Variants in EFCAB10 observed in about 807,000 individuals in gnomAD.
The protein encoded by EFCAB10 is EF-hand calcium binding domain 10, also known as EF-hand calcium-binding domain-containing protein 10.
EFCAB10 carries 7 observed loss-of-function variants against 7.7 expected under a neutral mutation model. The observed-to-expected ratio is 0.91, with a 90% CI of 0.52 to 1.72. The LOEUF (loss-of-function observed/expected upper bound fraction) is 1.72, where lower values mean the gene tolerates loss of function less well. Ranked by LOEUF, EFCAB10 falls within the 40% of genes most tolerant of loss-of-function variation. EFCAB10 has a pLI of 0.00. For synonymous variants in EFCAB10, 52 were observed against 21.0 expected (o/e 2.47, Z -4.03); for missense variants, 112 against 61.5 (o/e 1.82, Z -2.74).
At chr7:105,572,549 G>A (rs773441068) in intron 1 of EFCAB10, 2 of 152,196 alleles carry the variant, frequency 1.3e-5, no homozygotes, top group Admixed American at 6.5e-5. Flanking sequence ...ATACCCAGTG[G>A]TGGGAATGCC....
chr7:105,565,489 A>C (rs1791678145), intron 4 of EFCAB10, 42 bp from the exon 5 acceptor site: 1 of 1,610,802 alleles, frequency 6.2e-7, no homozygotes, highest in Non-Finnish European at 8.5e-7. Context: ...TTGGGCTGTG[A>C]TAATAAAGAC....
At chr7:105,567,827 G>A (rs1404387135) in intron 3 of EFCAB10, 4 of 246,072 alleles carry the variant, frequency 1.6e-5, no homozygotes, top group Non-Finnish European at 2.4e-5. Context: ...AGGCAGGAGT[G>A]CGAAAACATC....
intron 1 of EFCAB10, 150 bp downstream of exon 1, chr7:105,581,208 G>C: frequency 1.7e-6 from 1 of 598,846 alleles, no homozygotes; most frequent in Non-Finnish European, 3.0e-6. Context: ...CAGCCTGAGG[G>C]ACTTTTATTG....
At chr7:105,569,366 A>G (rs561542738) in intron 2 of EFCAB10, 41 bp downstream of exon 2, 2 of 695,328 alleles carry the variant, frequency 2.9e-6, no homozygotes, top group African/African-American at 3.5e-5. Flanking sequence ...AAACTGTGGA[A>G]TGACCACAAA....
chr7:105,577,649 T>A (rs1562869445), intron 1 of EFCAB10, among the ~76,000 whole-genome samples: 1 of 152,080 alleles, frequency 6.6e-6, no homozygotes. Flanking sequence ...GCTCATGTTG[T>A]GACTCAGAAA....
intron 1 of EFCAB10, among the ~76,000 whole-genome samples, chr7:105,579,326 C>T (rs1792165608): frequency 6.6e-6 from 1 of 152,072 alleles, no homozygotes; most frequent in African/African-American, 2.4e-5. Context: ...TCAGTCCAGA[C>T]TGGAGCAGGA....
At chr7:105,566,737 C>A (rs1207524344) in intron 4 of EFCAB10, 1 of 153,218 alleles carries the variant, frequency 6.5e-6, no homozygotes, top group Non-Finnish European at 1.5e-5. Context: ...TTACACGTTT[C>A]ATAGGACTGT....
At position 105,565,186 on chromosome 7, in the gene EFCAB10, G is replaced by A. The variant is rs1791648231; in HGVS notation, c.*261C>T. On this transcript the variant is annotated 3_prime_UTR_variant, in exon 5 of 5. Coordinates refer to ENST00000480514, the MANE Select transcript of EFCAB10 (RefSeq NM_001355526.2). The stretch of plus-strand genomic sequence containing the variant: ...ATTTTTTCTTATCCAAAATGCCCTA[G>A]GACAGAACACTTCCTCAAATTTAAA... 8.5e-7 allele frequency: 1 copy of A among 1,178,430 alleles called. No individual in the cohort carries two copies. The highest frequency in any genetic ancestry group is 2.2e-4 in the Middle Eastern group (1 of 4,546). The allele number at this position is 1,178,430 out of a possible 1,614,324, so 73.0% of individuals were successfully genotyped here. A position where few individuals can be genotyped will look rare whatever the true frequency, so the allele number is the denominator to read the frequency against.
chr7:105,578,275 GTAAGTA>G (rs1203471560), intron 1 of EFCAB10, among the ~76,000 whole-genome samples: 2 of 152,178 alleles, frequency 1.3e-5, no homozygotes, highest in Non-Finnish European at 2.9e-5. Flanking sequence ...GACAGGAAAT[GTAAGTA>G]TAAGTCAGTG....
At chr7:105,580,535 C>A (rs1179676969) in intron 1 of EFCAB10, among the ~76,000 whole-genome samples, 1 of 151,954 alleles carries the variant, frequency 6.6e-6, no homozygotes, top group African/African-American at 2.4e-5. Flanking sequence ...GCTGCAGTGG[C>A]GCCATCTCGT....
intron 1 of EFCAB10, chr7:105,573,707 C>T (rs1237666967): frequency 6.6e-6 from 1 of 152,056 alleles, no homozygotes; most frequent in South Asian, 2.1e-4. Flanking sequence ...CTATCTGAGC[C>T]CTTACTATAT....
Position 105,581,169 on chromosome 7 carries a change from T to A in EFCAB10, c.106+189A>T, listed in dbSNP as rs1458248651. ...AATCGCCACCAGGAGGTGGAGGTTGTAGTGAAATGAGATCACGCCATTGTA... is the reference window on the plus strand; with the variant it reads ...AATCGCCACCAGGAGGTGGAGGTTGAAGTGAAATGAGATCACGCCATTGTA... On this transcript the variant is annotated intron_variant, in intron 1 of 4. Transcript: ENST00000480514. 2.0e-5 allele frequency among the ~76,000 whole-genome samples: 3 copies of A among 152,254 alleles called. No homozygotes were observed. In the East Asian group the frequency reaches 5.8e-4, roughly 29 times the overall value.
At chr7:105,570,194 A>G (rs1178585309) in intron 1 of EFCAB10, among the ~76,000 whole-genome samples, 1 of 124,070 alleles carries the variant, frequency 8.1e-6, no homozygotes. Flanking sequence ...AGCCTGGGCA[A>G]CAGAGCAAGA....
intron 3 of EFCAB10, chr7:105,567,806 A>G: frequency 3.8e-6 from 1 of 266,632 alleles, no homozygotes; most frequent in Non-Finnish European, 7.1e-6. Context: ...CTGAGGTAGG[A>G]GGATTGCTTG....
At chr7:105,571,116 CT>C (rs1185106696) in intron 1 of EFCAB10, 27 of 152,140 alleles carry the variant, frequency 1.8e-4, no homozygotes, top group African/African-American at 6.3e-4. Context: ...CCATCGCCAA[CT>C]TCAACTGTTA....
chr7:105,567,806 AG>A lies in EFCAB10; in HGVS notation c.360-317del, dbSNP rs1262054620. The stretch of plus-strand genomic sequence containing the variant: ...CAGCACTTTGGGAGGCTGAGGTAGG[AG>A]GATTGCTTGAGGCAGGAGTGCGAAA... On this transcript the variant is annotated intron_variant, in intron 3 of 4. Transcript: ENST00000480514. 2.6e-5 allele frequency: 7 copies of A among 266,514 alleles called. No homozygotes were observed. The Admixed American group carries it at 3.0e-4, about 11-fold the overall frequency. 16.5% of individuals were successfully genotyped at this position (266,514 alleles called of 1,614,324 possible).
chr7:105,573,303 T>C (rs764083602), intron 1 of EFCAB10: 13 of 152,336 alleles, frequency 8.5e-5, no homozygotes, highest in Non-Finnish European at 1.6e-4. Flanking sequence ...TGTTTCTTCT[T>C]CCTGGACCAT....
At chr7:105,568,210 A>AACTT (rs1339960867) in intron 3 of EFCAB10, among the ~76,000 whole-genome samples, 1 of 152,184 alleles carries the variant, frequency 6.6e-6, no homozygotes, top group Non-Finnish European at 1.5e-5. Flanking sequence ...TTATTTATGT[A>AACTT]ACTTATGAGA....
At chr7:105,565,829 A>G (rs981411498) in intron 4 of EFCAB10, among the ~76,000 whole-genome samples, 7 of 152,234 alleles carry the variant, frequency 4.6e-5, no homozygotes, top group Admixed American at 4.6e-4. Flanking sequence ...GATGTGACCC[A>G]TGACCTCAAA....
Sources: allele counts gnomAD v4.1 joint callset (sites outside exome capture counted in the v4.1 genomes callset), GRCh38; gene constraint gnomAD v4.1.1; transcripts MANE v1.5; gene names NCBI Gene and HGNC (gene_info 2026-07-23, HGNC 2026-07-21).